The following ALK variants were observed in gnomAD, a reference collection of about 807,000 sequenced individuals.
ALK encodes the protein ALK receptor tyrosine kinase.
In ALK, 74 loss-of-function variants were observed where a neutral mutation model predicts 163.1. The ratio of observed to expected loss-of-function variants is 0.45; its 90% CI spans 0.38 to 0.55. The LOEUF (loss-of-function observed/expected upper bound fraction) is 0.55. Among genes scored for constraint, ALK ranks in the 20% least tolerant of loss-of-function variants. The pLI, the probability that ALK is intolerant of heterozygous loss-of-function variation, is 0.00. For synonymous variants in ALK, 960 were observed against 843.2 expected, an observed-to-expected ratio of 1.14 and a Z score of -2.40; for missense variants, 2,063 against 2,105.3, an observed-to-expected ratio of 0.98 and a Z score of 0.39.
chr2:29,784,533 T>C (rs1663948900), intron 1 of ALK, among the ~76,000 whole-genome samples: 1 of 152,096 alleles, frequency 6.6e-6, no homozygotes, highest in Admixed American at 6.5e-5. Flanking sequence ...CTGTCTCTAC[T>C]AAAAGTACAA....
At chr2:29,677,514 G>T (rs1171599959) in intron 3 of ALK, among the ~76,000 whole-genome samples, 2 of 151,886 alleles carry the variant, frequency 1.3e-5, no homozygotes, top group African/African-American at 4.8e-5. Context: ...TCTATCAACT[G>T]CCTTTTCTGT....
chr2:29,593,387 G>T (rs747566056), intron 3 of ALK, among the ~76,000 whole-genome samples: 1 of 152,206 alleles, frequency 6.6e-6, no homozygotes, highest in South Asian at 2.1e-4. Flanking sequence ...ACCCTAGGAC[G>T]TAGTTTCCCT....
intron 3 of ALK, among the ~76,000 whole-genome samples, chr2:29,679,550 TTTAAGA>T (rs1677999720): frequency 6.6e-6 from 1 of 151,892 alleles, no homozygotes; most frequent in Admixed American, 6.6e-5. Flanking sequence ...TCACAGTCTA[TTTAAGA>T]TTAATATTAC....
chr2:29,858,834 T>C (rs1666211065), intron 1 of ALK, among the ~76,000 whole-genome samples: 1 of 151,976 alleles, frequency 6.6e-6, no homozygotes, highest in Non-Finnish European at 1.5e-5. Context: ...AGGTCAGGAA[T>C]TCGAGACCAG....
At chr2:29,870,226 A>C (rs2148411864) in intron 1 of ALK, among the ~76,000 whole-genome samples, 1 of 152,332 alleles carries the variant, frequency 6.6e-6, no homozygotes, top group Admixed American at 6.5e-5. Context: ...GTAATTTATA[A>C]AGAAAAGAGG....
At chr2:29,431,531 C>T (rs1332399379) in intron 4 of ALK, among the ~76,000 whole-genome samples, 1 of 152,132 alleles carries the variant, frequency 6.6e-6, no homozygotes, top group Non-Finnish European at 1.5e-5. Context: ...GAGGTCAAAC[C>T]TTTCTTTTTG....
intron 4 of ALK, among the ~76,000 whole-genome samples, chr2:29,431,435 A>G (rs1163973669): frequency 1.3e-5 from 2 of 152,196 alleles, no homozygotes; most frequent in Non-Finnish European, 2.9e-5. Flanking sequence ...AGCTAAAATT[A>G]AGTCCCAAAT....
chr2:29,860,654 T>A (rs1666255426), intron 1 of ALK, among the ~76,000 whole-genome samples: 1 of 152,140 alleles, frequency 6.6e-6, no homozygotes, highest in Non-Finnish European at 1.5e-5. Context: ...CTTAACAAAC[T>A]TAAGAAGACT....
intron 1 of ALK, among the ~76,000 whole-genome samples, chr2:29,859,743 G>C (rs923227250): frequency 1.3e-5 from 2 of 152,182 alleles, no homozygotes; most frequent in African/African-American, 2.4e-5. Flanking sequence ...AGGATGTCAG[G>C]GGAGGAGAAG....
intron 1 of ALK, among the ~76,000 whole-genome samples, chr2:29,764,130 G>C (rs562530593): frequency 7.9e-5 from 12 of 152,262 alleles, no homozygotes; most frequent in African/African-American, 2.9e-4. Context: ...CCTATTTGGG[G>C]TCAATCCCCT....
chr2:29,474,727 A>C (rs1042422304), intron 4 of ALK, among the ~76,000 whole-genome samples: 3 of 152,256 alleles, frequency 2.0e-5, no homozygotes, highest in African/African-American at 7.2e-5. Context: ...ACTGCAGTAC[A>C]GAAACGTATT....
At chr2:29,337,153 T>C (rs1296925536) in intron 5 of ALK, among the ~76,000 whole-genome samples, 2 of 152,222 alleles carry the variant, frequency 1.3e-5, no homozygotes, top group South Asian at 2.1e-4. Context: ...TTAGAAGGCC[T>C]GAGAACTGTG....
chr2:29,369,334 G>GTA (rs369794496), intron 5 of ALK, among the ~76,000 whole-genome samples: 90 of 151,950 alleles, frequency 5.9e-4, no homozygotes, highest in African/African-American at 2.0e-3. Flanking sequence ...GTGTGTGTGT[G>GTA]TTGGTCTCCT....
chr2:29,812,361 T>A (rs1664779961), intron 1 of ALK, among the ~76,000 whole-genome samples: 1 of 152,024 alleles, frequency 6.6e-6, no homozygotes, highest in Non-Finnish European at 1.5e-5. Flanking sequence ...CCCGCCATCA[T>A]CAATTTCTAG....
At chr2:29,867,337 C>T (rs531621125) in intron 1 of ALK, among the ~76,000 whole-genome samples, 7 of 152,224 alleles carry the variant, frequency 4.6e-5, no homozygotes, top group South Asian at 2.1e-4. Flanking sequence ...GCGAAGGTAG[C>T]GAGAGTAGAA....
chr2:29,383,626 C>T, intron 5 of ALK, 106 bp downstream of exon 5: 1 of 1,510,100 alleles, frequency 6.6e-7, no homozygotes, highest in Non-Finnish European at 9.1e-7. Context: ...CCACTCTAGA[C>T]TTTTCTTCAT....
intron 9 of ALK, 101 bp downstream of exon 9, chr2:29,296,787 G>T (rs1399674519): frequency 7.0e-7 from 1 of 1,430,236 alleles, no homozygotes; most frequent in Non-Finnish European, 9.8e-7. Context: ...ACATCTGCAT[G>T]TGTGTCTTGG....
At chr2:29,561,538 GGA>G (rs1267123513) in intron 3 of ALK, among the ~76,000 whole-genome samples, 1 of 152,182 alleles carries the variant, frequency 6.6e-6, no homozygotes, top group Non-Finnish European at 1.5e-5. Context: ...GTCTGAAAAT[GGA>G]GCATGTTCAC....
intron 1 of ALK, among the ~76,000 whole-genome samples, chr2:29,736,962 T>C (rs750090576): frequency 6.6e-6 from 1 of 152,102 alleles, no homozygotes; most frequent in Non-Finnish European, 1.5e-5. Flanking sequence ...CCCAGTGATG[T>C]TCCTTGTTCC....
Sources: allele counts gnomAD v4.1 joint callset (sites outside exome capture counted in the v4.1 genomes callset), GRCh38; gene constraint gnomAD v4.1.1; transcripts MANE v1.5; gene names NCBI Gene and HGNC (gene_info 2026-07-23, HGNC 2026-07-21).